The following KANK1 variants were observed in gnomAD, a reference collection of about 807,000 sequenced individuals.
KANK1 encodes the protein KN motif and ankyrin repeat domains 1, also known as KN motif and ankyrin repeat domain-containing protein 1.
A neutral mutation model predicts 106.2 loss-of-function variants in KANK1; 109 were observed. The ratio of observed to expected loss-of-function variants is 1.03; its 90% CI spans 0.88 to 1.20. The LOEUF (loss-of-function observed/expected upper bound fraction) is 1.20. KANK1 is among the 50% of genes most tolerant of loss of function. The pLI, the probability that KANK1 is intolerant of heterozygous loss-of-function variation, is 0.00. For missense variants in KANK1, 2,399 were observed against 1,710.7 expected (o/e 1.40, Z -7.10); for synonymous variants, 873 against 652.2 (o/e 1.34, Z -5.16).
Position 630,362 on chromosome 9 carries a change from A to G in KANK1, c.-83-46528A>G, listed in dbSNP as rs1426782312. ...TTAAGAGATGGAGACCATCCTGGCTAACATGGTGAAACCCCATCTCTACTA... is the reference window on the plus strand; with the variant it reads ...TTAAGAGATGGAGACCATCCTGGCTGACATGGTGAAACCCCATCTCTACTA... On this transcript the variant is annotated intron_variant, in intron 1 of 11. Coordinates refer to ENST00000382297, the MANE Select transcript of KANK1 (RefSeq NM_015158.5). Among the ~76,000 whole-genome samples, 8 of 151,292 alleles carry G rather than the reference A, an allele frequency of 5.3e-5. No homozygotes were observed. The South Asian group carries it at 1.5e-3, about 28-fold the overall frequency.
chr9:732,610 A>G lies in KANK1; in HGVS notation c.3238A>G (p.Arg1080Gly). ...QECEPEKVEI[R>G]ERYELSEKML... ...ATGTGAACCTGAGAAGGTGGAAATC[A>G]GAGAGAGGTGTGGTACATTCCCCTT... Residue 1080 changes from arginine to glycine, a missense_variant, in exon 6 of 12, where the codon AGA becomes GGA. Physicochemically the swap from Arg to Gly is moderately radical, Grantham distance 125. Transcript: ENST00000382297. 1 of 1,614,000 alleles carries G rather than the reference A, an allele frequency of 6.2e-7. No homozygotes were observed. The highest frequency in any genetic ancestry group is 8.5e-7 in the Non-Finnish European group (1 of 1,179,882).
chr9:729,192 A>G (rs1831547094), intron 3 of KANK1, among the ~76,000 whole-genome samples: 2 of 152,238 alleles, frequency 1.3e-5, no homozygotes, highest in South Asian at 4.1e-4. Context: ...AAAGCACTCT[A>G]GTAGATTTGT....
At chr9:561,864 G>A (rs1264081975) in intron 1 of KANK1, among the ~76,000 whole-genome samples, 5 of 152,142 alleles carry the variant, frequency 3.3e-5, no homozygotes, top group African/African-American at 7.2e-5. Flanking sequence ...TACTGCAGAC[G>A]TTTTCTGTAT....
At chr9:727,484 T>C (rs1316458630) in intron 3 of KANK1, among the ~76,000 whole-genome samples, 3 of 151,976 alleles carry the variant, frequency 2.0e-5, no homozygotes, top group Non-Finnish European at 4.4e-5. Context: ...GCCCAGCTAA[T>C]TTTTGTATTT....
At chr9:744,971 C>A in intron 11 of KANK1, 3 of 1,475,470 alleles carry the variant, frequency 2.0e-6, no homozygotes, top group South Asian at 1.4e-5. Context: ...AGGTGACTTC[C>A]CAGGACAGCC....
At chr9:704,193 A>C (rs1823417861) in intron 2 of KANK1, among the ~76,000 whole-genome samples, 1 of 152,360 alleles carries the variant, frequency 6.6e-6, no homozygotes, top group African/African-American at 2.4e-5. Context: ...CCAAGTAAAC[A>C]AGACCCAAAA....
intron 2 of KANK1, among the ~76,000 whole-genome samples, chr9:690,161 C>G (rs1819564953): frequency 1.6e-5 from 2 of 127,064 alleles, no homozygotes; most frequent in South Asian, 5.3e-4. Context: ...AAAAAACTAG[C>G]TGGGTGTGTT....
chr9:685,409 C>T (rs1818354476), intron 2 of KANK1: 1 of 152,182 alleles, frequency 6.6e-6, no homozygotes, highest in Non-Finnish European at 1.5e-5. Flanking sequence ...GAGAAGGCCA[C>T]TCTAATCAAC....
intron 1 of KANK1, among the ~76,000 whole-genome samples, chr9:528,617 T>A (rs1278385758): frequency 2.0e-5 from 3 of 151,786 alleles, no homozygotes; most frequent in Middle Eastern, 3.4e-3. Context: ...GCCTCTCAAG[T>A]AGCTGCGTTA....
chr9:601,473 G>A (rs554816177), intron 1 of KANK1, among the ~76,000 whole-genome samples: 1 of 151,886 alleles, frequency 6.6e-6, no homozygotes, highest in Admixed American at 6.5e-5. Flanking sequence ...TAGATTTGGG[G>A]CTGTCTGATG....
At position 573,948 on chromosome 9, in the gene KANK1, A is replaced by G. The variant is rs1406935697; in HGVS notation, c.-84+69194A>G. Among the ~76,000 whole-genome samples, 5 of 152,376 alleles carry G rather than the reference A, an allele frequency of 3.3e-5. No homozygotes were observed. In the East Asian group the frequency reaches 9.6e-4, roughly 29 times the overall value. On this transcript the variant is annotated intron_variant, in intron 1 of 11. Coordinates refer to ENST00000382297, the MANE Select transcript of KANK1 (RefSeq NM_015158.5). Reference sequence around the variant, plus strand: ...TTAGCTTTAATTAGAGGTTTAGAGTAGAAAGCTGAGAGTTGCTTGGAGGAG... The same window carrying G: ...TTAGCTTTAATTAGAGGTTTAGAGTGGAAAGCTGAGAGTTGCTTGGAGGAG...
At chr9:553,141 C>G (rs556109550) in intron 1 of KANK1, among the ~76,000 whole-genome samples, 3 of 152,184 alleles carry the variant, frequency 2.0e-5, no homozygotes, top group East Asian at 1.9e-4. Context: ...CAGCGAGACC[C>G]TGTCTCAAAA....
Position 730,255 on chromosome 9 carries a change from T to C in KANK1, c.2896+7T>C. The C allele has an allele frequency of 6.2e-7, 1 of 1,614,024 alleles. No homozygotes were observed. The highest frequency in any genetic ancestry group is 8.5e-7 in the Non-Finnish European group (1 of 1,179,882). ...ATCGCCGCTGGCCTCTATGGTAACTTTTCTCACTCACAGTCATTGGCATCA... is the reference window on the plus strand; with the variant it reads ...ATCGCCGCTGGCCTCTATGGTAACTCTTCTCACTCACAGTCATTGGCATCA... On this transcript the variant is annotated splice_region_variant and intron_variant, in intron 4 of 11. Transcript: ENST00000382297.
Position 742,228 on chromosome 9 carries a change from G to C in KANK1, c.3720G>C (p.Leu1240=). ...AGGCGGGACAGACGGCCCTCATGCT[G>C]GCGGTCAGTCACGGACGGATAGACA... ...ASQAGQTALM[L]AVSHGRIDMV... is the part of the protein sequence containing the mutation. Residue 1240 remains leucine (L), a synonymous_variant, in exon 10 of 12, where the codon CTG becomes CTC. Coordinates refer to ENST00000382297, the MANE Select transcript of KANK1 (RefSeq NM_015158.5). 6.2e-7 allele frequency: 1 copy of C among 1,614,126 alleles called. No homozygotes were observed. The highest frequency in any genetic ancestry group is 8.5e-7 in the Non-Finnish European group (1 of 1,180,014).
At chr9:696,516 T>C (rs1821346550) in intron 2 of KANK1, among the ~76,000 whole-genome samples, 1 of 152,126 alleles carries the variant, frequency 6.6e-6, no homozygotes, top group Non-Finnish European at 1.5e-5. Context: ...ACAATGCAGC[T>C]GATTTTGACA....
At chr9:592,840 T>C (rs1825305224) in intron 1 of KANK1, among the ~76,000 whole-genome samples, 1 of 151,858 alleles carries the variant, frequency 6.6e-6, no homozygotes, top group Non-Finnish European at 1.5e-5. Flanking sequence ...TATATTGTTT[T>C]TTCTTTCTTC....
chr9:666,638 G>A (rs1385287308), intron 1 of KANK1, among the ~76,000 whole-genome samples: 1 of 151,438 alleles, frequency 6.6e-6, no homozygotes, highest in South Asian at 2.1e-4. Context: ...GTTTGTTGAG[G>A]GTTTTTATCA....
At position 567,477 on chromosome 9, in the gene KANK1, T is replaced by C. The variant is rs1818086521; in HGVS notation, c.-84+62723T>C. 2.0e-5 allele frequency among the ~76,000 whole-genome samples: 3 copies of C among 152,226 alleles called. 1 individual carries two copies. The South Asian group carries it at 6.2e-4, about 32-fold the overall frequency. On this transcript the variant is annotated intron_variant, in intron 1 of 11. Transcript: ENST00000382297. ...TTTTCCCCGAAGTTAGCTTTGCCCA[T>C]GCCCAGGAATGACGAAGGACAACTT...
chr9:590,735 T>C (rs16920619), intron 1 of KANK1, among the ~76,000 whole-genome samples: 10,630 of 151,712 alleles, frequency 0.07, 1,148 homozygotes, highest in East Asian at 0.23. Flanking sequence ...TCTCTGCTTA[T>C]CAGTAGTCAC....
Sources: gnomAD v4.1 joint callset for allele counts (sites outside exome capture counted in the v4.1 genomes callset) on GRCh38, gnomAD v4.1.1 for gene constraint, MANE v1.5 for transcripts, NCBI Gene and HGNC (gene_info 2026-07-23, HGNC 2026-07-21) for gene names.